Variants in DNAH9 observed in about 807,000 individuals in gnomAD.
DNAH9 encodes DNAH9 variant protein.
DNAH9 carries 345 observed loss-of-function variants against 471.6 expected under a neutral mutation model. The ratio of observed to expected loss-of-function variants is 0.73; its 90% CI spans 0.67 to 0.80. The LOEUF (loss-of-function observed/expected upper bound fraction) is 0.80. Ranked by LOEUF, DNAH9 falls within the 30% of genes least tolerant of loss-of-function variation. The pLI is 0.00. For synonymous variants in DNAH9, 2,093 were observed against 2,123.6 expected, an observed-to-expected ratio of 0.99 and a Z score of 0.40; for missense variants, 5,407 against 5,609.2, an observed-to-expected ratio of 0.96 and a Z score of 1.15.
At chr17:11,967,308 T>C (rs1268630907) in intron 68 of DNAH9, among the ~76,000 whole-genome samples, 1 of 152,024 alleles carries the variant, frequency 6.6e-6, no homozygotes, top group Admixed American at 6.6e-5. Flanking sequence ...GTTCTCCCTA[T>C]GTTGCCCAGG....
intron 20 of DNAH9, among the ~76,000 whole-genome samples, chr17:11,693,635 A>G (rs2074375968): frequency 6.6e-6 from 1 of 152,188 alleles, no homozygotes; most frequent in Admixed American, 6.5e-5. Context: ...ATTGAAAGAT[A>G]TGATAGATAG....
chr17:11,825,368 G>C (rs1970454746), intron 48 of DNAH9, among the ~76,000 whole-genome samples: 1 of 152,034 alleles, frequency 6.6e-6, no homozygotes, highest in Admixed American at 6.5e-5. Flanking sequence ...CACCAGCCCT[G>C]TTCTCCCTCC....
chr17:11,634,989 C>T (rs1268996555), intron 8 of DNAH9, among the ~76,000 whole-genome samples: 1 of 152,180 alleles, frequency 6.6e-6, no homozygotes, highest in Non-Finnish European at 1.5e-5. Context: ...CAAATGCAGA[C>T]TGTTCAGCTT....
rs1231220120 is a variant in DNAH9 at position 11,905,623 on chromosome 17, A to G, written c.11601-38A>G. ...CAAATGTTACCATTTTGTGGCTGCT[A>G]TATATGTATAAATCTATATGTGCTT... On this transcript the variant is annotated intron_variant, in intron 60 of 68. Transcript: ENST00000262442. The G allele has an allele frequency of 1.9e-6, 3 of 1,601,130 alleles. 1 individual carries two copies. In the South Asian group the frequency reaches 3.4e-5, roughly 18 times the overall value.
chr17:11,964,945 G>C (rs1976567521), intron 68 of DNAH9, among the ~76,000 whole-genome samples: 1 of 152,066 alleles, frequency 6.6e-6, no homozygotes, highest in African/African-American at 2.4e-5. Context: ...AACTCACCCA[G>C]GGCAACAGTC....
At chr17:11,614,407 G>A (rs1247824354) in intron 4 of DNAH9, among the ~76,000 whole-genome samples, 1 of 152,158 alleles carries the variant, frequency 6.6e-6, no homozygotes, top group Non-Finnish European at 1.5e-5. Flanking sequence ...GAACCCGATT[G>A]TATGAAGTAG....
Position 11,637,647 on chromosome 17 carries a change from G to A in DNAH9, c.1786+863G>A, listed in dbSNP as rs796262674. Among the ~76,000 whole-genome samples the A allele has an allele frequency of 5.9e-5, 9 of 152,230 alleles. No individual in the cohort carries two copies. In the South Asian group the frequency reaches 6.2e-4, roughly 11 times the overall value. ...ATAAAATACATTCCTATAGTCAGTC[G>A]CACAGCGCTTTGCACATAGTGGGTG... On this transcript the variant is annotated intron_variant, in intron 9 of 68. Coordinates refer to ENST00000262442, the MANE Select transcript of DNAH9 (RefSeq NM_001372.4).
intron 48 of DNAH9, among the ~76,000 whole-genome samples, chr17:11,823,492 C>G (rs1455892397): frequency 2.0e-5 from 3 of 152,144 alleles, no homozygotes; most frequent in African/African-American, 7.2e-5. Flanking sequence ...GGAATGGCTG[C>G]AGGGTTATAC....
chr17:11,642,700 C>T (rs1597423037), intron 10 of DNAH9, among the ~76,000 whole-genome samples: 1 of 152,344 alleles, frequency 6.6e-6, no homozygotes, highest in East Asian at 1.9e-4. Context: ...CACACGCCCA[C>T]GTGAGAAGCC....
chr17:11,608,053 C>T (rs1173350152), intron 1 of DNAH9, 76 bp from the exon 2 acceptor site: 4 of 1,207,644 alleles, frequency 3.3e-6, no homozygotes, highest in Non-Finnish European at 4.7e-6. Flanking sequence ...CTTTATAAGC[C>T]TTTTCCAGAT....
Position 11,669,667 on chromosome 17 carries a change from G to C in DNAH9, c.3226G>C (p.Glu1076Gln), listed in dbSNP as rs1597458534. 6.2e-7 allele frequency: 1 copy of C among 1,614,142 alleles called. No individual in the cohort carries two copies. Among genetic ancestry groups the C allele is most frequent in the African/African-American group, 1.3e-5 (1 of 75,014 alleles). Residue 1076 changes from glutamate (E) to glutamine (Q), a missense_variant, in exon 17 of 69, where the codon GAA becomes CAA. Physicochemically the swap from Glu to Gln is conservative, Grantham distance 29 (BLOSUM62 2). Around this residue, in one of 3 missense-constraint regions of DNAH9, gnomAD observed 4,636 missense variants for 4,900.3 expected, o/e 0.95. Transcript: ENST00000262442. ...GCTCTATGAAGAGGTGTGCAGGCTGGAACCCATCAAGGTGTTTGACGGCTG... is the reference window on the plus strand; with the variant it reads ...GCTCTATGAAGAGGTGTGCAGGCTGCAACCCATCAAGGTGTTTGACGGCTG... The part of the protein sequence containing the change: ...ETLYEEVCRL[E>Q]PIKVFDGWMK...
chr17:11,706,963 C>A (rs918080191), intron 26 of DNAH9, among the ~76,000 whole-genome samples: 2 of 152,068 alleles, frequency 1.3e-5, no homozygotes, highest in African/African-American at 4.8e-5. Context: ...TATTCTTTAT[C>A]CAGTAAGTAG....
intron 26 of DNAH9, among the ~76,000 whole-genome samples, chr17:11,706,646 A>G (rs960900929): frequency 3.9e-5 from 6 of 152,180 alleles, no homozygotes; most frequent in Non-Finnish European, 8.8e-5. Context: ...AGCGTGAAGG[A>G]TGTATTGGAT....
At chr17:11,834,327 T>C (rs1278526070) in intron 48 of DNAH9, among the ~76,000 whole-genome samples, 1 of 3,098 alleles carries the variant, frequency 3.2e-4, no homozygotes, top group Non-Finnish European at 8.0e-4. Context: ...AGACTCCGTC[T>C]CAAAAAAAAA....
chr17:11,662,262 A>T (rs2073780775), intron 14 of DNAH9, among the ~76,000 whole-genome samples: 1 of 152,116 alleles, frequency 6.6e-6, no homozygotes, highest in Admixed American at 6.5e-5. Context: ...TTTTTTCAGC[A>T]CAGTGATAAT....
At chr17:11,668,683 AAAACAAT>A (rs1162525779) in intron 15 of DNAH9, among the ~76,000 whole-genome samples, 6 of 150,252 alleles carry the variant, frequency 4.0e-5, no homozygotes, top group African/African-American at 1.2e-4. Flanking sequence ...AAAAAAAAAA[AAAACAAT>A]CAATCTCTTC....
chr17:11,649,664 T>C (rs942196881), intron 12 of DNAH9, among the ~76,000 whole-genome samples: 1 of 152,190 alleles, frequency 6.6e-6, no homozygotes, highest in Admixed American at 6.5e-5. Flanking sequence ...GCCAACAAGA[T>C]ACTGTTCATT....
chr17:11,634,301 C>T (rs2073121249), intron 8 of DNAH9, among the ~76,000 whole-genome samples: 1 of 152,112 alleles, frequency 6.6e-6, no homozygotes, highest in Admixed American at 6.6e-5. Context: ...CATCCCCAAG[C>T]AAAAGCAAAA....
intron 57 of DNAH9, among the ~76,000 whole-genome samples, chr17:11,887,339 C>T (rs1050512081): frequency 6.6e-6 from 1 of 152,146 alleles, no homozygotes; most frequent in African/African-American, 2.4e-5. Flanking sequence ...TCAAATGTGT[C>T]ACTTGTATTG....
Sources: gnomAD v4.1 joint callset for allele counts (sites outside exome capture counted in the v4.1 genomes callset) on GRCh38, gnomAD v4.1.1 for gene constraint, gnomAD v4.1.1 regional missense constraint, MANE v1.5 for transcripts, NCBI Gene and HGNC (gene_info 2026-07-23, HGNC 2026-07-21) for gene names.